CDH7: variants seen among roughly 807,000 people sequenced by gnomAD.
CDH7 encodes cadherin-7.
A neutral mutation model predicts 71.8 loss-of-function variants in CDH7; 25 were observed. That is an observed-to-expected ratio of 0.35 (90% CI 0.25 to 0.49). CDH7 has a LOEUF of 0.49. CDH7 is among the 20% of genes least tolerant of loss of function. The pLI is 0.99. For synonymous variants in CDH7, 381 were observed against 363.8 expected, an observed-to-expected ratio of 1.05 and a Z score of -0.54; for missense variants, 862 against 974.6, an observed-to-expected ratio of 0.88 and a Z score of 1.54.
chr18:65,787,087 A>G (rs1910542574), intron 2 of CDH7, among the ~76,000 whole-genome samples: 1 of 152,164 alleles, frequency 6.6e-6, no homozygotes, highest in Non-Finnish European at 1.5e-5. Flanking sequence ...ATTCAAGATC[A>G]TTATCATTAG....
chr18:65,777,289 G>T (rs1909982192), intron 2 of CDH7, among the ~76,000 whole-genome samples: 1 of 152,032 alleles, frequency 6.6e-6, no homozygotes, highest in Non-Finnish European at 1.5e-5. Context: ...TATGTTGGTT[G>T]ACTATATCCA....
chr18:65,831,359 T>C, intron 6 of CDH7, among the ~76,000 whole-genome samples: 1 of 152,158 alleles, frequency 6.6e-6, no homozygotes, highest in Non-Finnish European at 1.5e-5. Context: ...AAGAACGCGA[T>C]CTGCTGGCCC....
At position 65,867,104 on chromosome 18, in the gene CDH7, C is replaced by T. The variant is rs1026357474; in HGVS notation, c.1864+4187C>T. On this transcript the variant is annotated intron_variant, in intron 11 of 11. Coordinates refer to ENST00000397968, the MANE Select transcript of CDH7 (RefSeq NM_004361.5). ...AGGCTGGAGTGCAGTGGTGCAATCT[C>T]GACTCACTGCAAGCTCCACCTCCTG... Among the ~76,000 whole-genome samples the T allele has an allele frequency of 2.7e-5, 4 of 148,554 alleles. 1 individual carries two copies. In the Middle Eastern group the frequency reaches 0.011, roughly 404 times the overall value.
At chr18:65,774,681 C>G (rs1909870858) in intron 2 of CDH7, among the ~76,000 whole-genome samples, 1 of 151,878 alleles carries the variant, frequency 6.6e-6, no homozygotes, top group African/African-American at 2.4e-5. Flanking sequence ...TGTTGAGAGC[C>G]CTGGGTTCCA....
intron 11 of CDH7, among the ~76,000 whole-genome samples, chr18:65,867,989 A>G (rs546586559): frequency 6.6e-6 from 1 of 152,278 alleles, no homozygotes; most frequent in East Asian, 1.9e-4. Context: ...AACTGTGGCT[A>G]TTCATGATTT....
intron 2 of CDH7, among the ~76,000 whole-genome samples, chr18:65,791,997 G>A (rs1452516412): frequency 6.6e-6 from 1 of 151,976 alleles, no homozygotes; most frequent in Non-Finnish European, 1.5e-5. Flanking sequence ...TCTCTGCTTA[G>A]TACGCTAATG....
intron 6 of CDH7, among the ~76,000 whole-genome samples, chr18:65,832,934 A>T (rs551523647): frequency 6.6e-6 from 1 of 152,284 alleles, no homozygotes; most frequent in African/African-American, 2.4e-5. Context: ...ATAGAGTAAA[A>T]AAAATGAGCA....
At chr18:65,817,403 A>G (rs115309666) in intron 4 of CDH7, among the ~76,000 whole-genome samples, 1,606 of 152,216 alleles carry the variant, frequency 0.011, 23 homozygotes, top group African/African-American at 0.037. Context: ...CCCCTCCTCA[A>G]TGACTCTTCA....
chr18:65,761,631 A>G (rs1040446296), intron 1 of CDH7, among the ~76,000 whole-genome samples: 2 of 152,152 alleles, frequency 1.3e-5, no homozygotes, highest in Non-Finnish European at 1.5e-5. Context: ...GAATTCATAA[A>G]CCAAAGTGCA....
rs557093897 is a variant in CDH7, at chr18:65,777,477, C to T, written c.210+14425C>T. 9.9e-5 allele frequency among the ~76,000 whole-genome samples: 15 copies of T among 152,074 alleles called. No individual in the cohort carries two copies. The South Asian group carries it at 1.9e-3, about 19-fold the overall frequency. On this transcript the variant is annotated intron_variant, in intron 2 of 11. Coordinates refer to ENST00000397968, the MANE Select transcript of CDH7 (RefSeq NM_004361.5). ...CAGGTGAAAAGTAAAACTCTCCAAACGCGAAGCAAATTTATCCACTCAAAT... is the reference window on the plus strand; with the variant it reads ...CAGGTGAAAAGTAAAACTCTCCAAATGCGAAGCAAATTTATCCACTCAAAT...
Position 65,862,879 on chromosome 18 carries a change from C to T in CDH7, c.1826C>T (p.Ala609Val). 1 of 1,614,138 alleles carries T rather than the reference C, an allele frequency of 6.2e-7. No homozygotes were observed. Reference sequence around the variant, plus strand: ...CTACCTGCTGGCCTCAGTACAGGAGCCCTGATAGCCATACTCGCCTGTGTC... The same window carrying T: ...CTACCTGCTGGCCTCAGTACAGGAGTCCTGATAGCCATACTCGCCTGTGTC... ...YVLPAGLSTG[A>V]LIAILACVLT... The change falls in exon 11 of 12, where the codon GCC becomes GTC. Residue 609 changes from alanine to valine, a missense_variant. Coordinates refer to ENST00000397968, the MANE Select transcript of CDH7 (RefSeq NM_004361.5).
intron 1 of CDH7, among the ~76,000 whole-genome samples, chr18:65,756,349 A>G (rs935618071): frequency 1.3e-5 from 2 of 152,148 alleles, no homozygotes; most frequent in African/African-American, 4.8e-5. Flanking sequence ...ACCATTATGG[A>G]TTTTTCTGAT....
intron 4 of CDH7, among the ~76,000 whole-genome samples, chr18:65,818,059 G>A (rs1471066629): frequency 6.6e-6 from 1 of 151,988 alleles, no homozygotes; most frequent in Non-Finnish European, 1.5e-5. Flanking sequence ...CTACAAATAT[G>A]TAACTCAAGA....
chr18:65,784,712 G>A (rs1910449472), intron 2 of CDH7, among the ~76,000 whole-genome samples: 1 of 152,104 alleles, frequency 6.6e-6, no homozygotes, highest in African/African-American at 2.4e-5. Flanking sequence ...CCTTATATCA[G>A]GAATCATTCC....
intron 6 of CDH7, among the ~76,000 whole-genome samples, chr18:65,832,166 C>A (rs1385148731): frequency 2.0e-5 from 3 of 151,194 alleles, no homozygotes; most frequent in South Asian, 2.1e-4. Context: ...TATTTTCTCT[C>A]TATACTATAA....
At chr18:65,800,212 T>A (rs1276390906) in intron 2 of CDH7, among the ~76,000 whole-genome samples, 1 of 152,132 alleles carries the variant, frequency 6.6e-6, no homozygotes, top group African/African-American at 2.4e-5. Context: ...CCCGAGTAGC[T>A]GGGACTACAG....
chr18:65,795,349 A>T (rs1910874518), intron 2 of CDH7, among the ~76,000 whole-genome samples: 1 of 152,174 alleles, frequency 6.6e-6, no homozygotes, highest in Non-Finnish European at 1.5e-5. Flanking sequence ...CAACATTGAT[A>T]ATAGGGGAGG....
At chr18:65,847,605 CA>C (rs1912977715) in intron 7 of CDH7, among the ~76,000 whole-genome samples, 1 of 152,150 alleles carries the variant, frequency 6.6e-6, no homozygotes, top group African/African-American at 2.4e-5. Context: ...AAGTACCACC[CA>C]AAGGCTATGC....
chr18:65,857,035 G>T (rs1913384159), intron 7 of CDH7, among the ~76,000 whole-genome samples: 1 of 150,010 alleles, frequency 6.7e-6, no homozygotes, highest in Non-Finnish European at 1.5e-5. Context: ...AAAAAAGAAA[G>T]AGGGTTAATA....
Sources: gnomAD v4.1 joint callset for allele counts (sites outside exome capture counted in the v4.1 genomes callset) on GRCh38, gnomAD v4.1.1 for gene constraint, MANE v1.5 for transcripts, NCBI Gene and HGNC (gene_info 2026-07-23, HGNC 2026-07-21) for gene names.